Variants in FAM163A observed in about 807,000 individuals in gnomAD.
FAM163A encodes the protein family with sequence similarity 163 member A, also known as protein FAM163A.
Under a neutral mutation model 12.0 loss-of-function variants are expected in FAM163A, and 7 were observed. The observed-to-expected ratio is 0.58, with a 90% CI of 0.33 to 1.10. The LOEUF is 1.10. Ranked by LOEUF, FAM163A falls within the 50% of genes least tolerant of loss-of-function variation. The pLI, the probability that FAM163A is intolerant of heterozygous loss-of-function variation, is 0.03. For missense variants in FAM163A, 202 were observed against 218.6 expected, an observed-to-expected ratio of 0.92 and a Z score of 0.48; for synonymous variants, 101 against 91.0, an observed-to-expected ratio of 1.11 and a Z score of -0.62.
chr1:179,797,264 T>C (rs906332330), intron 1 of FAM163A, among the ~76,000 whole-genome samples: 5 of 152,260 alleles, frequency 3.3e-5, no homozygotes, highest in Non-Finnish European at 5.9e-5. Context: ...CTGGCCAACA[T>C]GGTGAAACCT....
At chr1:179,743,455 G>GGC (rs1364744883) in intron 1 of FAM163A, 32 bp downstream of exon 1, 1 of 152,330 alleles carries the variant, frequency 6.6e-6, no homozygotes, top group Non-Finnish European at 1.5e-5. Flanking sequence ...GTGCAGGGGA[G>GGC]CGAGCGGAGG....
chr1:179,808,194 G>A (rs906962785), intron 2 of FAM163A, among the ~76,000 whole-genome samples: 35 of 152,220 alleles, frequency 2.3e-4, no homozygotes, highest in African/African-American at 8.4e-4. Context: ...CCTGACTCAG[G>A]CACTTGTTAT....
intron 1 of FAM163A, among the ~76,000 whole-genome samples, chr1:179,768,114 A>G (rs1490572715): frequency 2.0e-5 from 3 of 152,158 alleles, no homozygotes; most frequent in Admixed American, 6.6e-5. Flanking sequence ...TCTTTTGTGA[A>G]TGGCTTATTT....
intron 1 of FAM163A, among the ~76,000 whole-genome samples, chr1:179,750,074 C>T (rs1404298915): frequency 1.3e-5 from 2 of 152,060 alleles, no homozygotes; most frequent in Admixed American, 6.6e-5. Flanking sequence ...TCCACAGAAG[C>T]GCAGTTTTGG....
At chr1:179,747,344 A>C (rs1043745002) in intron 1 of FAM163A, among the ~76,000 whole-genome samples, 1 of 152,110 alleles carries the variant, frequency 6.6e-6, no homozygotes, top group Non-Finnish European at 1.5e-5. Flanking sequence ...CCAAGCACCC[A>C]TTTTTGCTGA....
At chr1:179,769,900 CTTTTTTTTTTTTTTT>C in intron 1 of FAM163A, among the ~76,000 whole-genome samples, 1 of 97,136 alleles carries the variant, frequency 1.0e-5, no homozygotes, top group Non-Finnish European at 1.9e-5. Flanking sequence ...ATCCCTAATT[CTTTTTTTTTTTTTTT>C]TTTTTTTTTT....
At chr1:179,756,890 G>A (rs1229197264) in intron 1 of FAM163A, among the ~76,000 whole-genome samples, 1 of 152,168 alleles carries the variant, frequency 6.6e-6, no homozygotes, top group East Asian at 1.9e-4. Context: ...GTTTGGGAGG[G>A]GCAGTACGGG....
chr1:179,788,831 G>T (rs1370175375), intron 1 of FAM163A, among the ~76,000 whole-genome samples: 1 of 152,210 alleles, frequency 6.6e-6, no homozygotes, highest in African/African-American at 2.4e-5. Flanking sequence ...ACCTTCCAGT[G>T]CAAGGTCCAA....
At chr1:179,750,619 A>G (rs1557892589) in intron 1 of FAM163A, among the ~76,000 whole-genome samples, 1 of 152,240 alleles carries the variant, frequency 6.6e-6, no homozygotes, top group African/African-American at 2.4e-5. Context: ...CGGAAGAGGT[A>G]GGAAAGGGTT....
intron 1 of FAM163A, among the ~76,000 whole-genome samples, chr1:179,804,413 T>C (rs1326340869): frequency 6.6e-6 from 1 of 152,200 alleles, no homozygotes; most frequent in Non-Finnish European, 1.5e-5. Flanking sequence ...GCTGTGTGTG[T>C]TAAACAAGTC....
intron 1 of FAM163A, among the ~76,000 whole-genome samples, chr1:179,747,042 G>C (rs1053565835): frequency 2.0e-5 from 3 of 152,084 alleles, no homozygotes; most frequent in Admixed American, 2.0e-4. Context: ...TCAGCGACTG[G>C]ATAGGATTGG....
rs573968516 is a variant in FAM163A at position 179,747,960 on chromosome 1, G to A, written c.-136+4537G>A. Among the ~76,000 whole-genome samples, 20 of 151,428 alleles carry A rather than the reference G, an allele frequency of 1.3e-4. No individual in the cohort carries two copies. In the East Asian group the frequency reaches 3.3e-3, roughly 25 times the overall value. ...AGGGAAAGGGGGAGGAGGGGGAGGG[G>A]GAGGGGGAGGAGGAAGAGGACTAGG... On this transcript the variant is annotated intron_variant, in intron 1 of 4. Transcript: ENST00000341785.
chr1:179,780,619 T>C (rs578195886), intron 1 of FAM163A, among the ~76,000 whole-genome samples: 64 of 152,330 alleles, frequency 4.2e-4, no homozygotes, highest in African/African-American at 1.5e-3. Context: ...ACCTGCTGAA[T>C]CAGAAACTTG....
intron 2 of FAM163A, among the ~76,000 whole-genome samples, chr1:179,808,836 G>T (rs1344778538): frequency 6.6e-6 from 1 of 152,118 alleles, no homozygotes; most frequent in African/African-American, 2.4e-5. Flanking sequence ...CTGCTGTTTG[G>T]GTGTAAGGAG....
chr1:179,757,214 G>A (rs544147451), intron 1 of FAM163A, among the ~76,000 whole-genome samples: 2 of 152,324 alleles, frequency 1.3e-5, no homozygotes, highest in East Asian at 3.9e-4. Flanking sequence ...AAGAGTAGAA[G>A]AAGCTTGACC....
chr1:179,744,455 C>G (rs914465123), intron 1 of FAM163A, among the ~76,000 whole-genome samples: 8 of 152,106 alleles, frequency 5.3e-5, no homozygotes, highest in Non-Finnish European at 7.4e-5. Flanking sequence ...GAGCCGCGCG[C>G]CGGGGCCCTG....
At chr1:179,787,642 T>A (rs959885417) in intron 1 of FAM163A, among the ~76,000 whole-genome samples, 2 of 151,982 alleles carry the variant, frequency 1.3e-5, no homozygotes, top group Admixed American at 6.6e-5. Context: ...GCTCTACAGC[T>A]CCCCCAAAGT....
intron 1 of FAM163A, among the ~76,000 whole-genome samples, chr1:179,778,307 C>CA (rs905158950): frequency 1.3e-5 from 2 of 152,164 alleles, no homozygotes; most frequent in Non-Finnish European, 2.9e-5. Flanking sequence ...GACAGCACCC[C>CA]AGGTGCTGAT....
At chr1:179,747,942 G>C (rs1234020261) in intron 1 of FAM163A, among the ~76,000 whole-genome samples, 1 of 151,424 alleles carries the variant, frequency 6.6e-6, no homozygotes, top group Non-Finnish European at 1.5e-5. Context: ...CCTAGGGAAA[G>C]GGGGAGGAGG....
Sources: gnomAD v4.1 joint callset for allele counts (sites outside exome capture counted in the v4.1 genomes callset) on GRCh38, gnomAD v4.1.1 for gene constraint, MANE v1.5 for transcripts, NCBI Gene and HGNC (gene_info 2026-07-23, HGNC 2026-07-21) for gene names.